Variants in FTCDNL1 observed in about 807,000 individuals in gnomAD.
FTCDNL1 encodes the protein formiminotransferase N-terminal subdomain-containing protein.
Under a neutral mutation model 5.9 loss-of-function variants are expected in FTCDNL1, and 11 were observed. The ratio of observed to expected loss-of-function variants is 1.87; its 90% CI spans 1.18 to 3.10. The LOEUF (loss-of-function observed/expected upper bound fraction) is 3.10, where lower values mean the gene tolerates loss of function less well. Ranked by LOEUF, FTCDNL1 falls within the 30% of genes most tolerant of loss-of-function variation. FTCDNL1 has a pLI of 0.00. For missense variants in FTCDNL1, 115 were observed against 65.5 expected (o/e 1.76, Z -2.61); for synonymous variants, 58 against 24.8 (o/e 2.34, Z -3.99).
the FTCDNL1 span, among the ~76,000 whole-genome samples, chr2:199,751,276 G>A: frequency 6.6e-6 from 1 of 152,212 alleles, no homozygotes; most frequent in Non-Finnish European, 1.5e-5. Context: ...ACCTTGTATG[G>A]ATATCAAATA....
chr2:199,750,673 A>G, the FTCDNL1 span, among the ~76,000 whole-genome samples: 1 of 152,200 alleles, frequency 6.6e-6, no homozygotes, highest in Non-Finnish European at 1.5e-5. Flanking sequence ...TGAATCAGAG[A>G]GCCAGGTAGG....
At chr2:199,765,973 C>T (rs1698518016) in intron 3 of FTCDNL1, among the ~76,000 whole-genome samples, 1 of 152,146 alleles carries the variant, frequency 6.6e-6, no homozygotes, top group Non-Finnish European at 1.5e-5. Flanking sequence ...CAGGTCCACA[C>T]ACATAGGCAC....
chr2:199,762,385 A>C (rs1212112466), intron 3 of FTCDNL1, among the ~76,000 whole-genome samples: 2 of 152,196 alleles, frequency 1.3e-5, no homozygotes, highest in African/African-American at 2.4e-5. Flanking sequence ...GTCTCAAAAA[A>C]AACAGAAAGA....
chr2:199,823,332 T>TC (rs35479206), intron 3 of FTCDNL1, among the ~76,000 whole-genome samples: 1 of 151,756 alleles, frequency 6.6e-6, no homozygotes, highest in Non-Finnish European at 1.5e-5. Flanking sequence ...TACTTTGACT[T>TC]CCCCCCAAGA....
At chr2:199,741,775 T>C in the FTCDNL1 span, among the ~76,000 whole-genome samples, 1 of 152,194 alleles carries the variant, frequency 6.6e-6, no homozygotes, top group Non-Finnish European at 1.5e-5. Context: ...TTTTATATCT[T>C]CCTCTTGACA....
intron 3 of FTCDNL1, among the ~76,000 whole-genome samples, chr2:199,840,899 T>TC (rs2076567202): frequency 6.6e-6 from 1 of 152,194 alleles, no homozygotes; most frequent in Admixed American, 6.5e-5. Flanking sequence ...ATGCCTGTAA[T>TC]CCCAGCACTT....
At chr2:199,749,033 C>T in the FTCDNL1 span, among the ~76,000 whole-genome samples, 1 of 152,302 alleles carries the variant, frequency 6.6e-6, no homozygotes, top group South Asian at 2.1e-4. Context: ...ACCTGCCAAT[C>T]CAGACTCACC....
chr2:199,710,487 C>G, the FTCDNL1 span, among the ~76,000 whole-genome samples: 22 of 152,110 alleles, frequency 1.4e-4, no homozygotes, highest in Admixed American at 2.0e-4. Flanking sequence ...AGACTCTAAG[C>G]TTGGGAGCAA....
chr2:199,844,815 T>C (rs919943043), intron 3 of FTCDNL1, among the ~76,000 whole-genome samples: 4 of 152,238 alleles, frequency 2.6e-5, no homozygotes, highest in Admixed American at 6.5e-5. Flanking sequence ...ATTGTTTACT[T>C]TAAATTTTTT....
chr2:199,845,949 G>C (rs1258238605), intron 3 of FTCDNL1, 126 bp downstream of exon 3: 1 of 470,678 alleles, frequency 2.1e-6, no homozygotes, highest in Non-Finnish European at 3.8e-6. Flanking sequence ...GTAGCTTTGT[G>C]GTAGACTCTT....
At chr2:199,831,186 A>T (rs1420182298) in intron 3 of FTCDNL1, among the ~76,000 whole-genome samples, 1 of 152,232 alleles carries the variant, frequency 6.6e-6, no homozygotes. Flanking sequence ...TTGGCATGAC[A>T]GTAAAAAATA....
chr2:199,748,564 T>C, the FTCDNL1 span, among the ~76,000 whole-genome samples: 1 of 152,182 alleles, frequency 6.6e-6, no homozygotes, highest in South Asian at 2.1e-4. Flanking sequence ...AGTTTACACC[T>C]GAGCCCCTCT....
chr2:199,821,441 T>C (rs972549805), intron 3 of FTCDNL1, among the ~76,000 whole-genome samples: 1 of 147,448 alleles, frequency 6.8e-6, no homozygotes, highest in African/African-American at 2.5e-5. Flanking sequence ...ATTACAGGCA[T>C]AAGCCACGTG....
At chr2:199,724,748 T>C in the FTCDNL1 span, among the ~76,000 whole-genome samples, 2 of 152,110 alleles carry the variant, frequency 1.3e-5, no homozygotes, top group African/African-American at 4.8e-5. Context: ...TTCTGAGAGA[T>C]AGTTTGTTAT....
the FTCDNL1 span, among the ~76,000 whole-genome samples, chr2:199,732,249 T>C: frequency 1.3e-5 from 2 of 152,228 alleles, no homozygotes; most frequent in Admixed American, 1.3e-4. Context: ...CATTTCACTC[T>C]AACTGTGAAG....
Position 199,809,708 on chromosome 2 carries a change from A to G in FTCDNL1, c.*2997T>C, listed in dbSNP as rs1205954069. Among the ~76,000 whole-genome samples the G allele has an allele frequency of 6.6e-6, 1 of 152,188 alleles. No individual in the cohort carries two copies. Among genetic ancestry groups the G allele is most frequent in the East Asian group, 1.9e-4 (1 of 5,192 alleles). On this transcript the variant is annotated 3_prime_UTR_variant, in exon 5 of 5. Coordinates refer to ENST00000420128, the MANE Select transcript of FTCDNL1 (RefSeq NM_001363886.2). ...TTAGACTTTCCATCTGAATTCCAAA[A>G]GAATAAGTACTTCCTTGAAGTCATG...
chr2:199,850,037 T>A (rs1449500102), intron 1 of FTCDNL1, among the ~76,000 whole-genome samples: 1 of 152,204 alleles, frequency 6.6e-6, no homozygotes, highest in East Asian at 1.9e-4. Flanking sequence ...CAAATAATGG[T>A]GCTCTCCCTC....
chr2:199,776,677 C>T (rs1368172522), intron 3 of FTCDNL1, among the ~76,000 whole-genome samples: 3 of 152,088 alleles, frequency 2.0e-5, no homozygotes, highest in African/African-American at 7.2e-5. Context: ...GGTAGACACT[C>T]CGTAGATAGA....
chr2:199,734,427 A>G, the FTCDNL1 span, among the ~76,000 whole-genome samples: 1 of 152,204 alleles, frequency 6.6e-6, no homozygotes, highest in African/African-American at 2.4e-5. Flanking sequence ...GATTCAAACA[A>G]TATTTTGAAT....
Sources: gnomAD v4.1 joint callset for allele counts (sites outside exome capture counted in the v4.1 genomes callset) on GRCh38, gnomAD v4.1.1 for gene constraint, MANE v1.5 for transcripts, NCBI Gene and HGNC (gene_info 2026-07-23, HGNC 2026-07-21) for gene names.